Variants in BSPH1 observed in about 807,000 individuals in gnomAD.
BSPH1 encodes binder of sperm 1.
In BSPH1, 21 loss-of-function variants were observed where a neutral mutation model predicts 22.5. The ratio of observed to expected loss-of-function variants is 0.93; its 90% CI spans 0.66 to 1.35. The LOEUF is 1.35. BSPH1 is among the 40% of genes most tolerant of loss of function. The pLI is 0.00. For missense variants in BSPH1, 141 were observed against 154.2 expected (o/e 0.91, Z 0.45); for synonymous variants, 42 against 53.6 (o/e 0.78, Z 0.95).
intron 5 of BSPH1, among the ~76,000 whole-genome samples, chr19:47,973,624 G>C (rs1413867555): frequency 2.0e-5 from 3 of 152,200 alleles, no homozygotes; most frequent in African/African-American, 4.8e-5. Flanking sequence ...ACAGTTGGTT[G>C]TTGAGAGATT....
rs200311935 is a variant in BSPH1 at position 47,992,057 on chromosome 19, C to T, written c.25G>A (p.Val9Met). ...GCTGAGGAATTTCGCGTCGTTTCCA[C>T]GAAGAGAAGCATCAGGGAGCCCATG... is the stretch of plus-strand genomic sequence containing the variant. MGSLMLLF[V>M]ETTRNSSACI... is the part of the protein sequence containing the mutation. Residue 9 changes from valine to methionine, a missense_variant, in exon 1 of 6, where the codon GTG (valine) becomes ATG (methionine). Physicochemically the swap from Val to Met is conservative, Grantham distance 21. Transcript: ENST00000344839. The T allele has an allele frequency of 5.8e-4, 901 of 1,551,368 alleles. 5 individuals are homozygous for T. Among genetic ancestry groups the T allele is most frequent in the South Asian group, 7.3e-4 (61 of 84,046 alleles).
intron 1 of BSPH1, among the ~76,000 whole-genome samples, chr19:47,989,569 A>T (rs1251023389): frequency 6.6e-6 from 1 of 151,572 alleles, no homozygotes; most frequent in Non-Finnish European, 1.5e-5. Flanking sequence ...CCTCTGTCCC[A>T]CTTGACTGCT....
intron 2 of BSPH1, chr19:47,980,477 CTTTTTTTTTTTTT>C: frequency 9.8e-6 from 2 of 203,712 alleles, no homozygotes; most frequent in East Asian, 2.1e-4. Context: ...CTTCTTCTTT[CTTTTTTTTTTTTT>C]TTTTTTTTGA....
intron 2 of BSPH1, chr19:47,980,482 T>TC: frequency 1.1e-5 from 3 of 264,656 alleles, no homozygotes; most frequent in Non-Finnish European, 1.7e-5. Flanking sequence ...TCTTTCTTTT[T>TC]TTTTTTTTTT....
At chr19:47,982,239 C>T (rs976899460) in intron 1 of BSPH1, among the ~76,000 whole-genome samples, 7 of 152,134 alleles carry the variant, frequency 4.6e-5, no homozygotes, top group South Asian at 4.1e-4. Flanking sequence ...CATTATAACT[C>T]GACATATTCT....
chr19:47,990,782 T>C (rs1410357811), intron 1 of BSPH1, among the ~76,000 whole-genome samples: 1 of 152,154 alleles, frequency 6.6e-6, no homozygotes, highest in Non-Finnish European at 1.5e-5. Flanking sequence ...ATTTTTCTAT[T>C]TCGCTTCATA....
intron 1 of BSPH1, among the ~76,000 whole-genome samples, chr19:47,989,532 C>T (rs1291428789): frequency 2.0e-5 from 3 of 151,592 alleles, no homozygotes; most frequent in Non-Finnish European, 2.9e-5. Flanking sequence ...CATCCCCACT[C>T]ATCAAGAACT....
intron 5 of BSPH1, among the ~76,000 whole-genome samples, chr19:47,970,141 C>G (rs1969299116): frequency 6.6e-6 from 1 of 152,114 alleles, no homozygotes; most frequent in African/African-American, 2.4e-5. Flanking sequence ...TCACTGCAAC[C>G]TCCGCCTCCT....
At chr19:47,971,857 G>T (rs1214049325) in intron 5 of BSPH1, among the ~76,000 whole-genome samples, 2 of 152,196 alleles carry the variant, frequency 1.3e-5, no homozygotes, top group African/African-American at 4.8e-5. Context: ...GTGCAAGAAG[G>T]AGATTTATAA....
intron 1 of BSPH1, among the ~76,000 whole-genome samples, chr19:47,989,118 T>C (rs935721700): frequency 2.6e-5 from 2 of 75,928 alleles, no homozygotes; most frequent in East Asian, 1.5e-3. Flanking sequence ...GTTTTATTAT[T>C]ATTATTATTA....
chr19:47,977,807 T>A, intron 3 of BSPH1: 1 of 343,396 alleles, frequency 2.9e-6, no homozygotes, highest in Non-Finnish European at 4.1e-6. Context: ...GGCATTTATC[T>A]ACCCAACAAT....
intron 1 of BSPH1, among the ~76,000 whole-genome samples, chr19:47,984,263 G>A (rs982671270): frequency 6.8e-6 from 1 of 147,402 alleles, no homozygotes; most frequent in Admixed American, 6.8e-5. Context: ...GATTAAGAAG[G>A]GCCCCTAAAA....
chr19:47,980,155 A>C (rs906147675), intron 2 of BSPH1, among the ~76,000 whole-genome samples: 2 of 152,092 alleles, frequency 1.3e-5, no homozygotes, highest in Non-Finnish European at 2.9e-5. Flanking sequence ...AATTGGTATG[A>C]CACTTAGATT....
intron 2 of BSPH1, 58 bp downstream of exon 2, chr19:47,980,863 A>C: frequency 9.8e-7 from 1 of 1,025,398 alleles, no homozygotes; most frequent in South Asian, 1.6e-5. Flanking sequence ...CAATGGTTTC[A>C]CATTTTATTG....
At chr19:47,988,847 G>A (rs1969495911) in intron 1 of BSPH1, among the ~76,000 whole-genome samples, 1 of 152,014 alleles carries the variant, frequency 6.6e-6, no homozygotes, top group Non-Finnish European at 1.5e-5. Flanking sequence ...TGTTGGACAT[G>A]GCAAATTCCT....
At chr19:47,977,669 C>T (rs1457967647) in intron 3 of BSPH1, 165 bp from the exon 4 acceptor site, 1 of 985,140 alleles carries the variant, frequency 1.0e-6, no homozygotes, top group Non-Finnish European at 1.2e-6. Context: ...TCTCTAATGA[C>T]AAAGCTCTTT....
chr19:47,983,077 C>T (rs140667390), intron 1 of BSPH1, among the ~76,000 whole-genome samples: 31 of 152,240 alleles, frequency 2.0e-4, no homozygotes, highest in African/African-American at 7.0e-4. Context: ...GCACTGGTTC[C>T]AGTATATAGG....
chr19:47,969,695 GA>G (rs1969292340), intron 5 of BSPH1, among the ~76,000 whole-genome samples: 2 of 92,706 alleles, frequency 2.2e-5, no homozygotes, highest in Admixed American at 2.0e-4. Context: ...GAGAGAGAGA[GA>G]GAGAGAGAGA....
intron 3 of BSPH1, 28 bp from the exon 4 acceptor site, chr19:47,977,532 T>C: frequency 6.4e-7 from 1 of 1,550,392 alleles, no homozygotes; most frequent in Non-Finnish European, 8.7e-7. Flanking sequence ...CTTCCTCTGT[T>C]TCTGGGTGTG....
Sources: gnomAD v4.1 joint callset for allele counts (sites outside exome capture counted in the v4.1 genomes callset) on GRCh38, gnomAD v4.1.1 for gene constraint, MANE v1.5 for transcripts, NCBI Gene and HGNC (gene_info 2026-07-23, HGNC 2026-07-21) for gene names.